NHSL1: variants seen among roughly 807,000 people sequenced by gnomAD.
The protein encoded by NHSL1 is NHS-like protein 1.
Under a neutral mutation model 95.0 loss-of-function variants are expected in NHSL1, and 48 were observed. The ratio of observed to expected loss-of-function variants is 0.51; its 90% confidence interval spans 0.40 to 0.64. NHSL1 has a LOEUF of 0.64. Ranked by LOEUF, NHSL1 falls within the 30% of genes least tolerant of loss-of-function variation. The pLI is 0.00. For synonymous variants in NHSL1, 783 were observed against 833.9 expected (o/e 0.94, Z 1.05); for missense variants, 1,971 against 2,077.7 (o/e 0.95, Z 1.00).
At chr6:138,582,196 C>T (rs1258766003) in intron 1 of NHSL1, among the ~76,000 whole-genome samples, 3 of 151,962 alleles carry the variant, frequency 2.0e-5, no homozygotes, top group Non-Finnish European at 4.4e-5. Flanking sequence ...TGTGCCTGGC[C>T]CAAAGTGGCC....
rs56326954 is a variant in NHSL1 at position 138,423,815 on chromosome 6, CAAAAA to C, written c.*261_*265del. The C allele has an allele frequency of 7.8e-3, 1,074 of 138,484 alleles. No homozygotes were observed. Among genetic ancestry groups the C allele is most frequent in the Middle Eastern group, 0.011 (5 of 466 alleles). The allele number at this position is 138,484 out of a possible 1,614,324, so 8.6% of individuals were successfully genotyped here. A position where few individuals can be genotyped will look rare whatever the true frequency, so the allele number is the denominator to read the frequency against. ...GCACACATACACACCCAGCATTTAGCAAAAAAAAAAAAAAAAAAAAAAAATCTTCC... is the reference window on the plus strand; with the variant it reads ...GCACACATACACACCCAGCATTTAGCAAAAAAAAAAAAAAAAAAATCTTCC... On this transcript the variant is annotated 3_prime_UTR_variant, in exon 8 of 8. Coordinates refer to ENST00000343505, the MANE Select transcript of NHSL1 (RefSeq NM_001144060.2).
intron 1 of NHSL1, among the ~76,000 whole-genome samples, chr6:138,646,455 C>G (rs1186607267): frequency 6.6e-6 from 1 of 151,922 alleles, no homozygotes; most frequent in Non-Finnish European, 1.5e-5. Flanking sequence ...GCAGATTGCA[C>G]CACAGCACTC....
In NHSL1 at chr6:138,423,815, CA is replaced by C. The variant is rs56326954; in HGVS notation, c.*265del. The stretch of plus-strand genomic sequence containing the variant: ...GCACACATACACACCCAGCATTTAG[CA>C]AAAAAAAAAAAAAAAAAAAAAAATC... On this transcript the variant is annotated 3_prime_UTR_variant, in exon 8 of 8. Coordinates refer to ENST00000343505, the MANE Select transcript of NHSL1 (RefSeq NM_001144060.2). 13,203 of 138,592 alleles carry C rather than the reference CA, an allele frequency of 0.095. 199 individuals are homozygous for C. Among genetic ancestry groups the C allele is most frequent in the African/African-American group, 0.16 (4,249 of 26,466 alleles). 8.6% of individuals were successfully genotyped at this position (138,592 alleles called of 1,614,324 possible).
At chr6:138,628,996 T>C (rs1784781281) in intron 1 of NHSL1, among the ~76,000 whole-genome samples, 5 of 152,228 alleles carry the variant, frequency 3.3e-5, no homozygotes, top group Admixed American at 3.3e-4. Context: ...GACATGTCAC[T>C]ATGGTGCTCA....
chr6:138,683,823 T>C (rs1227445393), intron 1 of NHSL1, among the ~76,000 whole-genome samples: 1 of 152,194 alleles, frequency 6.6e-6, no homozygotes, highest in African/African-American at 2.4e-5. Context: ...GAAATAATAA[T>C]AATATCCATC....
intron 4 of NHSL1, among the ~76,000 whole-genome samples, chr6:138,443,531 AG>A: frequency 6.6e-6 from 1 of 152,232 alleles, no homozygotes; most frequent in African/African-American, 2.4e-5. Flanking sequence ...AAACATTAAT[AG>A]AAAGTTACAC....
chr6:138,578,771 T>A (rs1034816527), intron 1 of NHSL1, among the ~76,000 whole-genome samples: 9 of 151,952 alleles, frequency 5.9e-5, no homozygotes, highest in African/African-American at 2.2e-4. Context: ...GTGATTCAGG[T>A]CTGGGGAAGG....
intron 5 of NHSL1, 93 bp from the exon 6 acceptor site, chr6:138,433,773 A>G: frequency 1.2e-5 from 16 of 1,390,468 alleles, no homozygotes; most frequent in East Asian, 2.6e-5. Flanking sequence ...TTTTAAAAAA[A>G]TTTTTCTATT....
chr6:138,619,424 T>C (rs1319866024), intron 1 of NHSL1, among the ~76,000 whole-genome samples: 4 of 152,360 alleles, frequency 2.6e-5, no homozygotes, highest in South Asian at 4.1e-4. Flanking sequence ...TAATCCTTAA[T>C]GTGCTAAGAT....
chr6:138,688,517 A>T, intron 1 of NHSL1, among the ~76,000 whole-genome samples: 1 of 151,938 alleles, frequency 6.6e-6, no homozygotes, highest in East Asian at 1.9e-4. Flanking sequence ...GGTGGTGGGC[A>T]TCTGTAATCC....
At chr6:138,607,488 C>T (rs1784450356) in intron 1 of NHSL1, among the ~76,000 whole-genome samples, 1 of 152,206 alleles carries the variant, frequency 6.6e-6, no homozygotes, top group Admixed American at 6.5e-5. Context: ...TTTAGCACAA[C>T]ACACCTTAAA....
intron 4 of NHSL1, among the ~76,000 whole-genome samples, chr6:138,443,074 T>C (rs62432500): frequency 0.038 from 5,812 of 151,084 alleles, 182 homozygotes; most frequent in Non-Finnish European, 0.051. Context: ...TATATATATA[T>C]ACACACACAC....
chr6:138,424,171 G>C lies in NHSL1; in HGVS notation c.4731C>G (p.Pro1577=). 6.8e-7 allele frequency: 1 copy of C among 1,462,916 alleles called. No homozygotes were observed. The highest frequency in any genetic ancestry group is 9.0e-7 in the Non-Finnish European group (1 of 1,111,348). The allele number at this position is 1,462,916 out of a possible 1,614,324, so 90.6% of individuals were successfully genotyped here. ...TCCCATCCACAGGGCCGGGGGCCTG[G>C]GGCTGCAGGGAGGCGGCAGGCCCCT... ...CGEGPAASLQ[P]QAPGPVDGTA... The change falls in exon 8 of 8, where the codon CCC becomes CCG. Residue 1577 remains proline (P), a synonymous_variant. Coordinates refer to ENST00000343505, the MANE Select transcript of NHSL1 (RefSeq NM_001144060.2). The surrounding 1 kb of genome is among the most constrained non-coding windows in gnomAD (Gnocchi z 5.9).
At chr6:138,596,876 A>T (rs562856663) in intron 1 of NHSL1, among the ~76,000 whole-genome samples, 1 of 152,114 alleles carries the variant, frequency 6.6e-6, no homozygotes, top group South Asian at 2.1e-4. Flanking sequence ...GTTAAGCGTG[A>T]CAGAAAAACT....
chr6:138,591,945 C>T (rs1784235737), intron 1 of NHSL1, among the ~76,000 whole-genome samples: 1 of 152,112 alleles, frequency 6.6e-6, no homozygotes, highest in African/African-American at 2.4e-5. Flanking sequence ...TCCATGGTTT[C>T]AGGCATCCAC....
chr6:138,497,427 C>T (rs925263762), intron 1 of NHSL1, among the ~76,000 whole-genome samples: 5 of 152,208 alleles, frequency 3.3e-5, no homozygotes, highest in African/African-American at 4.8e-5. Context: ...AGCAAGTCTT[C>T]CTGACTCTGA....
At chr6:138,459,566 T>G (rs2128233076) in intron 3 of NHSL1, among the ~76,000 whole-genome samples, 1 of 152,306 alleles carries the variant, frequency 6.6e-6, no homozygotes, top group Admixed American at 6.5e-5. Context: ...TCTTTCTCAC[T>G]TCTGCACTTT....
chr6:138,691,161 A>G (rs1251025224), intron 1 of NHSL1, among the ~76,000 whole-genome samples: 1 of 152,224 alleles, frequency 6.6e-6, no homozygotes, highest in Non-Finnish European at 1.5e-5. Flanking sequence ...GTCATCACTC[A>G]CATTAAGTAG....
chr6:138,429,817 C>CGGCTG lies in NHSL1; in HGVS notation c.3974_3978dup (p.Gly1327GlnfsTer20). On this transcript the variant is annotated frameshift_variant, in exon 7 of 8. Transcript: ENST00000343505. LOFTEE classifies it high-confidence loss of function. ...AAGTCACAGGCCTCTGAGGATGAAC[C>CGGCTG]GGCTGCGTTGGTCTCCGGCACCCCA... 1 of 1,551,568 alleles carries CGGCTG rather than the reference C, an allele frequency of 6.4e-7. No individual in the cohort carries two copies. The highest frequency in any genetic ancestry group is 8.7e-7 in the Non-Finnish European group (1 of 1,146,936).
Sources: gnomAD v4.1 joint callset for allele counts (sites outside exome capture counted in the v4.1 genomes callset) on GRCh38, gnomAD v4.1.1 for gene constraint, Gnocchi (gnomAD v3.1) non-coding constraint, MANE v1.5 for transcripts, NCBI Gene and HGNC (gene_info 2026-07-23, HGNC 2026-07-21) for gene names.